The following NELL2 variants were observed in gnomAD, a reference collection of about 807,000 sequenced individuals.
The protein encoded by NELL2 is neural EGFL like 2.
NELL2 carries 41 observed loss-of-function variants against 109.6 expected under a neutral mutation model. The observed-to-expected ratio is 0.37, with a 90% CI of 0.29 to 0.49. The LOEUF is 0.49. Ranked by LOEUF, NELL2 falls within the 20% of genes least tolerant of loss-of-function variation. The pLI is 0.98. For missense variants in NELL2, 900 were observed against 1,008.3 expected (o/e 0.89, Z 1.45); for synonymous variants, 355 against 344.7 (o/e 1.03, Z -0.33).
chr12:44,569,080 G>A (rs917243306), intron 15 of NELL2, among the ~76,000 whole-genome samples: 2 of 151,886 alleles, frequency 1.3e-5, no homozygotes, highest in Admixed American at 1.3e-4. Context: ...TTTCCTCTAC[G>A]TGTCAATGTC....
intron 12 of NELL2, among the ~76,000 whole-genome samples, chr12:44,683,364 A>C (rs1451557132): frequency 6.9e-6 from 1 of 144,376 alleles, no homozygotes; most frequent in Non-Finnish European, 1.5e-5. Flanking sequence ...GTCGTCTGCA[A>C]ACAGGGACAA....
intron 1 of NELL2, among the ~76,000 whole-genome samples, chr12:44,919,566 A>C (rs1327136882): frequency 6.6e-6 from 1 of 152,150 alleles, no homozygotes; most frequent in East Asian, 1.9e-4. Context: ...TAAAAAGGGG[A>C]AATTTAGACA....
intron 13 of NELL2, among the ~76,000 whole-genome samples, chr12:44,644,640 A>G (rs1947023746): frequency 7.4e-6 from 1 of 135,556 alleles, no homozygotes; most frequent in Non-Finnish European, 1.6e-5. Context: ...ACATATATAT[A>G]TATATATATA....
In NELL2 at chr12:44,876,259, G is replaced by GCCCCGCACCCCCCCGTCTT. The variant is rs1291498254; in HGVS notation, c.-409_-391dup. 5.8e-5 allele frequency: 67 copies of GCCCCGCACCCCCCCGTCTT among 1,160,240 alleles called. No homozygotes were observed. In the African/African-American group the frequency reaches 7.4e-4, roughly 13 times the overall value. The allele number at this position is 1,160,240 out of a possible 1,614,324, so 71.9% of individuals were successfully genotyped here. ...CCCCAAGAAAGCCCGGGCTGGGGCG[G>GCCCCGCACCCCCCCGTCTT]CCCCGCACCCCCCCGTCTTCCCCGC... On this transcript the variant is annotated 5_prime_UTR_variant, in exon 1 of 20. Coordinates refer to ENST00000429094, the MANE Select transcript of NELL2 (RefSeq NM_001145108.2).
intron 12 of NELL2, among the ~76,000 whole-genome samples, chr12:44,679,986 A>C (rs929900136): frequency 6.6e-6 from 1 of 152,170 alleles, no homozygotes; most frequent in Non-Finnish European, 1.5e-5. Context: ...AGACAGTCTC[A>C]TTTAAATGAT....
chr12:44,536,246 A>T (rs1942289989), intron 15 of NELL2, among the ~76,000 whole-genome samples: 1 of 152,056 alleles, frequency 6.6e-6, no homozygotes, highest in African/African-American at 2.4e-5. Flanking sequence ...AATACTTAGT[A>T]AATAAAGAAT....
chr12:44,720,509 G>T (rs148025789), intron 9 of NELL2, among the ~76,000 whole-genome samples: 63 of 152,238 alleles, frequency 4.1e-4, no homozygotes, highest in African/African-American at 1.4e-3. Flanking sequence ...TGAAACATCT[G>T]AAATGGGAGC....
intron 9 of NELL2, among the ~76,000 whole-genome samples, chr12:44,750,769 A>G (rs940561160): frequency 6.6e-6 from 1 of 152,152 alleles, no homozygotes; most frequent in African/African-American, 2.4e-5. Context: ...AAGTCTTGAT[A>G]GCAAGCAGAA....
intron 13 of NELL2, among the ~76,000 whole-genome samples, chr12:44,635,655 G>T (rs534772163): frequency 6.6e-6 from 1 of 152,104 alleles, no homozygotes; most frequent in East Asian, 1.9e-4. Flanking sequence ...ATCTGTTTTG[G>T]TACCAGTACC....
rs759023727 is a variant in NELL2 at position 44,779,652 on chromosome 12, C to G, written c.606+11G>C. On this transcript the variant is annotated intron_variant, in intron 5 of 19. Transcript: ENST00000429094. ...TTTACATTTCATTCTCAGACTTTTGCCAAAAGATACCTTAAAATATCCATG... is the reference window on the plus strand; with the variant it reads ...TTTACATTTCATTCTCAGACTTTTGGCAAAAGATACCTTAAAATATCCATG... The G allele has an allele frequency of 1.1e-5, 17 of 1,606,592 alleles. No homozygotes were observed. The highest frequency in any genetic ancestry group is 1.4e-5 in the Non-Finnish European group (17 of 1,174,092).
chr12:44,640,708 T>C (rs1326212781), intron 13 of NELL2, among the ~76,000 whole-genome samples: 1 of 152,124 alleles, frequency 6.6e-6, no homozygotes, highest in Non-Finnish European at 1.5e-5. Context: ...ATTATTCATA[T>C]AGAAATAGCT....
At chr12:44,813,290 T>G (rs1943238594) in intron 3 of NELL2, among the ~76,000 whole-genome samples, 1 of 152,210 alleles carries the variant, frequency 6.6e-6, no homozygotes, top group African/African-American at 2.4e-5. Flanking sequence ...ACTGTTAGCT[T>G]ACTCAGCAAA....
At chr12:44,806,312 C>T (rs1482182997) in intron 3 of NELL2, among the ~76,000 whole-genome samples, 1 of 151,800 alleles carries the variant, frequency 6.6e-6, no homozygotes, top group Non-Finnish European at 1.5e-5. Flanking sequence ...TGTTACTTCT[C>T]ACCTTCTGAA....
chr12:44,620,519 A>G (rs951309725), intron 13 of NELL2, among the ~76,000 whole-genome samples: 3 of 152,138 alleles, frequency 2.0e-5, no homozygotes, highest in Non-Finnish European at 4.4e-5. Context: ...TTCCATCCTC[A>G]GCACATTACT....
In NELL2 at chr12:44,779,888, A is replaced by G; in HGVS notation, c.470T>C (p.Ile157Thr). 3.1e-6 allele frequency: 5 copies of G among 1,613,934 alleles called. No homozygotes were observed. The highest frequency in any genetic ancestry group is 1.1e-5 in the South Asian group (1 of 91,082). ...DDKWHKLSLA[I>T]SASHLILHID... ...GTGTAAAATCAAATGGGAAGCACTG[A>G]TGGCTAAGGAGAGCTTGTGCCACTT... The change falls in exon 4 of 20, where the codon ATC becomes ACC. Residue 157 changes from isoleucine to threonine, a missense_variant. By Grantham distance (89) the Ile-to-Thr change is moderately conservative (BLOSUM62 -1). Transcript: ENST00000429094.
chr12:44,786,857 C>A (rs1942194360), intron 3 of NELL2, among the ~76,000 whole-genome samples: 1 of 151,994 alleles, frequency 6.6e-6, no homozygotes, highest in African/African-American at 2.4e-5. Flanking sequence ...AGGAGAACAT[C>A]ACGTACCGGG....
chr12:44,553,955 C>T (rs949734236), intron 15 of NELL2, among the ~76,000 whole-genome samples: 2 of 152,068 alleles, frequency 1.3e-5, no homozygotes, highest in African/African-American at 2.4e-5. Flanking sequence ...TGTAGTAAAG[C>T]GCAAATATTT....
intron 5 of NELL2, 92 bp from the exon 6 acceptor site, chr12:44,777,406 A>G: frequency 1.0e-6 from 1 of 967,014 alleles, no homozygotes; most frequent in Non-Finnish European, 1.6e-6. Context: ...ATATTACAGA[A>G]CACACTCACT....
chr12:44,589,592 G>A (rs1944669012), intron 15 of NELL2, among the ~76,000 whole-genome samples: 1 of 152,110 alleles, frequency 6.6e-6, no homozygotes, highest in South Asian at 2.1e-4. Flanking sequence ...TTTTGGCCAG[G>A]ATGGTTTCAA....
Sources: gnomAD v4.1 joint callset for allele counts (sites outside exome capture counted in the v4.1 genomes callset) on GRCh38, gnomAD v4.1.1 for gene constraint, MANE v1.5 for transcripts, NCBI Gene and HGNC (gene_info 2026-07-23, HGNC 2026-07-21) for gene names.